SLC28A1: variants seen among roughly 807,000 people sequenced by gnomAD.
SLC28A1 encodes sodium/nucleoside cotransporter 1.
A neutral mutation model predicts 74.8 loss-of-function variants in SLC28A1; 64 were observed. The observed-to-expected ratio is 0.86, with a 90% CI of 0.70 to 1.05. SLC28A1 has a LOEUF of 1.05. SLC28A1 is among the 50% of genes least tolerant of loss of function. The pLI, the probability that SLC28A1 is intolerant of heterozygous loss-of-function variation, is 0.00. For synonymous variants in SLC28A1, 359 were observed against 335.0 expected (o/e 1.07, Z -0.78); for missense variants, 828 against 822.8 (o/e 1.01, Z -0.08).
chr15:84,886,623 C>T (rs1224586601), intron 1 of SLC28A1, 49 bp from the exon 2 acceptor site: 13 of 985,374 alleles, frequency 1.3e-5, no homozygotes, highest in Non-Finnish European at 1.6e-5. Flanking sequence ...AGGCGCTGGG[C>T]AGAACTGGGT....
At chr15:84,892,288 G>A (rs1472359540) in intron 5 of SLC28A1, among the ~76,000 whole-genome samples, 1 of 152,194 alleles carries the variant, frequency 6.6e-6, no homozygotes, top group African/African-American at 2.4e-5. Flanking sequence ...GGCAGTGAGA[G>A]AGGCGACAGC....
chr15:84,924,627 A>ATTGCTT (rs1388222345), intron 12 of SLC28A1, among the ~76,000 whole-genome samples: 1 of 152,250 alleles, frequency 6.6e-6, no homozygotes, highest in Non-Finnish European at 1.5e-5. Flanking sequence ...AGTGGTGTGA[A>ATTGCTT]TTAGGCCCTA....
chr15:84,937,375 G>A (rs1472937180), intron 15 of SLC28A1, among the ~76,000 whole-genome samples: 1 of 152,166 alleles, frequency 6.6e-6, no homozygotes, highest in African/African-American at 2.4e-5. Flanking sequence ...GGCTGCAGCA[G>A]CTGAAATCAG....
intron 13 of SLC28A1, among the ~76,000 whole-genome samples, chr15:84,934,612 G>A (rs1008130906): frequency 1.3e-5 from 2 of 152,138 alleles, no homozygotes; most frequent in African/African-American, 4.8e-5. Context: ...TCTAGTAGTT[G>A]TCTTTTAAAA....
chr15:84,907,243 T>G (rs996595183), intron 8 of SLC28A1, among the ~76,000 whole-genome samples: 1 of 152,248 alleles, frequency 6.6e-6, no homozygotes, highest in African/African-American at 2.4e-5. Context: ...TTGGGAGTAG[T>G]GCAGGAGCTC....
intron 9 of SLC28A1, among the ~76,000 whole-genome samples, chr15:84,913,275 C>T (rs1293556209): frequency 2.0e-5 from 3 of 152,112 alleles, no homozygotes; most frequent in Non-Finnish European, 2.9e-5. Flanking sequence ...AGGGCACTGT[C>T]GACAGTGCTC....
intron 16 of SLC28A1, among the ~76,000 whole-genome samples, chr15:84,943,801 C>T (rs568590501): frequency 1.6e-4 from 24 of 151,890 alleles, no homozygotes; most frequent in African/African-American, 3.1e-4. Context: ...TGGTGGTGCA[C>T]GCCTGTGATC....
rs138736810 is a variant in SLC28A1 at position 84,905,568 on chromosome 15, T to C, written c.633T>C (p.Leu211=). 2 of 1,613,992 alleles carry C rather than the reference T, an allele frequency of 1.2e-6. No homozygotes were observed. The highest frequency in any genetic ancestry group is 1.7e-6 in the Non-Finnish European group (2 of 1,179,872). The change falls in exon 8 of 19, where the codon CTT becomes CTC. Residue 211 remains leucine (L), a synonymous_variant. Transcript: ENST00000394573. The part of the protein sequence containing the change: ...AVSWRAVSWG[L]GLQFVLGLLV... Reference sequence around the variant, plus strand: ...CCTGGAGGGCCGTGTCTTGGGGACTTGGACTGCAGTTTGTACTTGGACTCC... The same window carrying C: ...CCTGGAGGGCCGTGTCTTGGGGACTCGGACTGCAGTTTGTACTTGGACTCC...
intron 6 of SLC28A1, among the ~76,000 whole-genome samples, chr15:84,897,508 C>T (rs1429694371): frequency 6.6e-6 from 1 of 152,198 alleles, no homozygotes. Flanking sequence ...AAAAATTTTG[C>T]ACCAGCCTAA....
intron 8 of SLC28A1, 138 bp downstream of exon 8, chr15:84,905,790 C>T (rs1967011687): frequency 5.6e-6 from 4 of 720,300 alleles, no homozygotes; most frequent in Non-Finnish European, 1.0e-5. Flanking sequence ...ACTGGGGCCC[C>T]AGACCAGGTG....
At chr15:84,901,111 A>G (rs1039790087) in intron 6 of SLC28A1, among the ~76,000 whole-genome samples, 1 of 152,182 alleles carries the variant, frequency 6.6e-6, no homozygotes, top group African/African-American at 2.4e-5. Flanking sequence ...AGTCCCAGCT[A>G]CTCAGGAGGC....
At chr15:84,961,118 G>C in the SLC28A1 span, among the ~76,000 whole-genome samples, 1 of 152,144 alleles carries the variant, frequency 6.6e-6, no homozygotes, top group African/African-American at 2.4e-5. Flanking sequence ...ACTCGTAGGG[G>C]TGTTGTAAGC....
intron 11 of SLC28A1, among the ~76,000 whole-genome samples, chr15:84,922,357 C>T (rs1969927983): frequency 6.6e-6 from 1 of 152,146 alleles, no homozygotes; most frequent in South Asian, 2.1e-4. Context: ...CCCTCATCAC[C>T]CCTGCCCCTC....
At chr15:84,949,232 C>A (rs1204958730), downstream of SLC28A1, among the ~76,000 whole-genome samples, 3 of 152,106 alleles carry the variant, frequency 2.0e-5, no homozygotes, top group Non-Finnish European at 4.4e-5. Flanking sequence ...GCAGACAGTG[C>A]ATGAGTCAAG....
rs187864711 is a variant in SLC28A1, at chr15:84,912,620, C to A, written c.795+3825C>A. ...TCTGGCTGACCCGGGAGCAGACTCT[C>A]ATTCTTTCACTATTGTTCTAGCCTC... On this transcript the variant is annotated intron_variant, in intron 9 of 18. Coordinates refer to ENST00000394573, the MANE Select transcript of SLC28A1 (RefSeq NM_004213.5). 1.8e-4 allele frequency among the ~76,000 whole-genome samples: 27 copies of A among 152,204 alleles called. 1 individual carries two copies. The East Asian group carries it at 5.2e-3, about 29-fold the overall frequency.
At chr15:84,918,471 C>G in intron 9 of SLC28A1, 53 bp from the exon 10 acceptor site, 1 of 1,450,270 alleles carries the variant, frequency 6.9e-7, no homozygotes, top group Non-Finnish European at 9.7e-7. Flanking sequence ...CCGCCTGGCA[C>G]CCTGCATCCT....
intron 6 of SLC28A1, chr15:84,895,367 C>T (rs1285528300): frequency 1.9e-6 from 3 of 1,613,982 alleles, no homozygotes; most frequent in Admixed American, 3.3e-5. Flanking sequence ...TCAACAGTTT[C>T]CTCCATTCAG....
chr15:84,895,638 G>C (rs1965915548), intron 6 of SLC28A1: 1 of 1,445,702 alleles, frequency 6.9e-7, no homozygotes, highest in Non-Finnish European at 9.1e-7. Flanking sequence ...TCACAGGGCA[G>C]GAGAGGGAGG....
intron 11 of SLC28A1, among the ~76,000 whole-genome samples, chr15:84,922,401 C>T (rs1399388892): frequency 6.6e-6 from 1 of 152,158 alleles, no homozygotes; most frequent in Non-Finnish European, 1.5e-5. Context: ...GTGGGAACAT[C>T]TTCCACAGGA....
Sources: allele counts gnomAD v4.1 joint callset (sites outside exome capture counted in the v4.1 genomes callset), GRCh38; gene constraint gnomAD v4.1.1; transcripts MANE v1.5; gene names NCBI Gene and HGNC (gene_info 2026-07-23, HGNC 2026-07-21).